Variants in ACCSL observed in about 807,000 individuals in gnomAD.
ACCSL encodes the protein probable inactive 1-aminocyclopropane-1-carboxylate synthase-like protein 2.
ACCSL carries 55 observed loss-of-function variants against 61.7 expected under a neutral mutation model. The observed-to-expected ratio is 0.89, with a 90% CI of 0.72 to 1.12. ACCSL has a LOEUF of 1.12. Ranked by LOEUF, ACCSL falls within the 50% of genes most tolerant of loss-of-function variation. The probability of loss-of-function intolerance (pLI) is 0.00; values close to 1 mark genes in which losing one functional copy is unlikely to be tolerated. For synonymous variants in ACCSL, 258 were observed against 264.3 expected, an observed-to-expected ratio of 0.98 and a Z score of 0.23; for missense variants, 632 against 698.0, an observed-to-expected ratio of 0.91 and a Z score of 1.07.
intron 1 of ACCSL, among the ~76,000 whole-genome samples, chr11:44,049,597 C>T (rs1014742671): frequency 5.3e-5 from 8 of 151,942 alleles, no homozygotes; most frequent in Non-Finnish European, 1.0e-4. Flanking sequence ...CTTAGAAGGC[C>T]CTAATGTGTA....
chr11:44,001,654 G>A, the ACCSL span, among the ~76,000 whole-genome samples: 3 of 151,784 alleles, frequency 2.0e-5, no homozygotes, highest in Admixed American at 6.6e-5. Flanking sequence ...CTGCCCACTC[G>A]CCTTCTGAGC....
chr11:43,939,552 G>C, the ACCSL span, among the ~76,000 whole-genome samples: 1 of 129,774 alleles, frequency 7.7e-6, no homozygotes, highest in Non-Finnish European at 1.6e-5. Flanking sequence ...CAACACATTT[G>C]CCTGTGTGTC....
the ACCSL span, among the ~76,000 whole-genome samples, chr11:43,953,106 C>A: frequency 1.3e-5 from 2 of 152,180 alleles, no homozygotes; most frequent in African/African-American, 4.8e-5. Flanking sequence ...TGAACAGAGG[C>A]TGGGTAAAAT....
chr11:44,001,453 G>A, the ACCSL span, among the ~76,000 whole-genome samples: 1 of 152,004 alleles, frequency 6.6e-6, no homozygotes, highest in African/African-American at 2.4e-5. Flanking sequence ...AATGAGGGCA[G>A]AAGTATTACA....
the ACCSL span, among the ~76,000 whole-genome samples, chr11:43,965,197 AAACAAC>A: frequency 1.3e-5 from 2 of 152,196 alleles, no homozygotes; most frequent in Non-Finnish European, 2.9e-5. Context: ...AATCCTAAAG[AAACAAC>A]AACAACAAAA....
At chr11:43,947,405 G>A in the ACCSL span, among the ~76,000 whole-genome samples, 1 of 152,154 alleles carries the variant, frequency 6.6e-6, no homozygotes, top group South Asian at 2.1e-4. Context: ...ATGCAACGGC[G>A]GGGGCTCAGC....
At chr11:43,937,333 G>A in the ACCSL span, among the ~76,000 whole-genome samples, 1 of 152,180 alleles carries the variant, frequency 6.6e-6, no homozygotes, top group African/African-American at 2.4e-5. Flanking sequence ...AAAGAAAGGG[G>A]GACAGAGAGA....
the ACCSL span, among the ~76,000 whole-genome samples, chr11:44,035,936 T>TAAAAAAAAAAAAA: frequency 8.9e-5 from 7 of 79,058 alleles, no homozygotes; most frequent in East Asian, 3.4e-4. Flanking sequence ...AGACTCTGTG[T>TAAAAAAAAAAAAA]AAAAAAAAAA....
the ACCSL span, among the ~76,000 whole-genome samples, chr11:43,955,916 A>G: frequency 1.3e-5 from 2 of 151,732 alleles, no homozygotes; most frequent in Non-Finnish European, 2.9e-5. Flanking sequence ...GCCTCGGCTC[A>G]GGAATGACTA....
the ACCSL span, among the ~76,000 whole-genome samples, chr11:44,009,152 C>T: frequency 6.6e-6 from 1 of 151,744 alleles, no homozygotes; most frequent in Non-Finnish European, 1.5e-5. Flanking sequence ...TGGGTGACAG[C>T]GGGAGACCCT....
the ACCSL span, among the ~76,000 whole-genome samples, chr11:43,997,890 C>T: frequency 6.6e-6 from 1 of 152,180 alleles, no homozygotes; most frequent in Admixed American, 6.5e-5. Flanking sequence ...CCTCCTCCAG[C>T]TTCTATGGGG....
At chr11:44,036,414 G>A in the ACCSL span, among the ~76,000 whole-genome samples, 1 of 152,202 alleles carries the variant, frequency 6.6e-6, no homozygotes, top group Non-Finnish European at 1.5e-5. Flanking sequence ...CCTATAAAAT[G>A]GGGCCAAGGA....
chr11:44,050,646 T>A (rs1022472982), intron 3 of ACCSL, 24 bp downstream of exon 3: 1 of 1,609,692 alleles, frequency 6.2e-7, no homozygotes, highest in Non-Finnish European at 8.5e-7. Flanking sequence ...AGATTTAGAG[T>A]CTCTTGGTCC....
the ACCSL span, among the ~76,000 whole-genome samples, chr11:44,002,951 G>A: frequency 6.6e-6 from 1 of 152,170 alleles, no homozygotes; most frequent in African/African-American, 2.4e-5. Context: ...TGGGAGTAGG[G>A]AGGGAGAAGA....
chr11:44,024,672 A>G, the ACCSL span, among the ~76,000 whole-genome samples: 82,840 of 151,850 alleles, frequency 0.55, 22,927 homozygotes, highest in Admixed American at 0.6. Flanking sequence ...CTGTTGTTGG[A>G]TAGAGAGTTC....
At position 44,058,360 on chromosome 11, in the gene ACCSL, C is replaced by G; in HGVS notation, c.1371C>G (p.Leu457=). ...KVYLPTNCYR[L]REAHKYITAE... ...ACCTACCCACCAATTGCTACCGGCTCCGGGAAGCTCACAAGTACATCACTG... is the reference window on the plus strand; with the variant it reads ...ACCTACCCACCAATTGCTACCGGCTGCGGGAAGCTCACAAGTACATCACTG... Residue 457 remains leucine (L), a synonymous_variant, in exon 12 of 14, where the codon CTC becomes CTG. Coordinates refer to ENST00000378832, the MANE Select transcript of ACCSL (RefSeq NM_001031854.2). 2 of 1,614,168 alleles carry G rather than the reference C, an allele frequency of 1.2e-6. No individual in the cohort carries two copies. Among genetic ancestry groups the G allele is most frequent in the South Asian group, 2.2e-5 (2 of 91,076 alleles).
the ACCSL span, among the ~76,000 whole-genome samples, chr11:43,984,747 T>C: frequency 3.3e-5 from 5 of 152,246 alleles, no homozygotes; most frequent in African/African-American, 1.2e-4. Flanking sequence ...TGTTGCACAA[T>C]TGGTTTCCCA....
the ACCSL span, among the ~76,000 whole-genome samples, chr11:43,979,188 C>T: frequency 1.3e-5 from 2 of 151,952 alleles, no homozygotes; most frequent in Non-Finnish European, 2.9e-5. Context: ...AAAAATTAGC[C>T]AGTGGTGGTG....
chr11:43,956,397 C>T, the ACCSL span, among the ~76,000 whole-genome samples: 3 of 151,702 alleles, frequency 2.0e-5, no homozygotes, highest in South Asian at 2.1e-4. Flanking sequence ...GATCAGGTCT[C>T]TTTCTGTCAT....
Sources: allele counts gnomAD v4.1 joint callset (sites outside exome capture counted in the v4.1 genomes callset), GRCh38; gene constraint gnomAD v4.1.1; transcripts MANE v1.5; gene names NCBI Gene and HGNC (gene_info 2026-07-23, HGNC 2026-07-21).